Variants in CFH observed in about 807,000 individuals in gnomAD.
CFH encodes the protein H factor 1 (complement).
Under a neutral mutation model 147.3 loss-of-function variants are expected in CFH, and 53 were observed. The ratio of observed to expected loss-of-function variants is 0.36; its 90% CI spans 0.29 to 0.45. The LOEUF (loss-of-function observed/expected upper bound fraction) is 0.45. Among genes scored for constraint, CFH ranks in the 20% least tolerant of loss-of-function variants. The pLI, the probability that CFH is intolerant of heterozygous loss-of-function variation, is 1.00. For missense variants in CFH, 1,380 were observed against 1,498.0 expected (o/e 0.92, Z 1.30); for synonymous variants, 536 against 489.4 (o/e 1.10, Z -1.26).
chr1:196,729,815 G>T (rs12144939), intron 15 of CFH, among the ~76,000 whole-genome samples: 34,426 of 151,624 alleles, frequency 0.23, 4,506 homozygotes, highest in African/African-American at 0.33. Flanking sequence ...ATTAATCGTC[G>T]TAGGCTGTGT....
rs578161366 is a variant in CFH, at chr1:196,722,901, CA to C, written c.1697-2218del. 5.0e-3 allele frequency among the ~76,000 whole-genome samples: 757 copies of C among 152,088 alleles called. 3 individuals carry two copies. Among genetic ancestry groups the C allele is most frequent in the Non-Finnish European group, 8.5e-3 (580 of 67,954 alleles). Reference sequence around the variant, plus strand: ...CTTTCAACTATATTTTGTAATTCTTCAATGAATTTTTAATTTCCATAAGTTC... The same window carrying C: ...CTTTCAACTATATTTTGTAATTCTTCATGAATTTTTAATTTCCATAAGTTC... On this transcript the variant is annotated intron_variant, in intron 11 of 21. Coordinates refer to ENST00000367429, the MANE Select transcript of CFH (RefSeq NM_000186.4).
At chr1:196,699,547 C>T (rs1039700979) in intron 9 of CFH, among the ~76,000 whole-genome samples, 1 of 152,164 alleles carries the variant, frequency 6.6e-6, no homozygotes, top group Admixed American at 6.6e-5. Flanking sequence ...GATGTTATCA[C>T]ATTTTTCATT....
At chr1:196,730,975 A>G (rs1669268184) in intron 15 of CFH, among the ~76,000 whole-genome samples, 1 of 151,814 alleles carries the variant, frequency 6.6e-6, no homozygotes, top group Non-Finnish European at 1.5e-5. Flanking sequence ...GTTACAGTGA[A>G]GTAAGTCAAT....
chr1:196,715,550 T>C (rs748906940), intron 10 of CFH, 43 bp from the exon 11 acceptor site: 3 of 1,433,630 alleles, frequency 2.1e-6, no homozygotes, highest in Non-Finnish European at 3.0e-6. Flanking sequence ...GATTGTTTAT[T>C]AGATGACATT....
At chr1:196,698,813 G>A (rs1194737112) in intron 9 of CFH, among the ~76,000 whole-genome samples, 1 of 152,120 alleles carries the variant, frequency 6.6e-6, no homozygotes, top group Admixed American at 6.6e-5. Flanking sequence ...GAACATCAAT[G>A]CGAAAATCCT....
At chr1:196,684,591 G>T (rs1667761560) in intron 6 of CFH, among the ~76,000 whole-genome samples, 1 of 151,834 alleles carries the variant, frequency 6.6e-6, no homozygotes, top group African/African-American at 2.4e-5. Flanking sequence ...TCTCTAAAGT[G>T]GAAGATATTA....
At chr1:196,701,257 T>A (rs1668440085) in intron 9 of CFH, 1 of 1,611,922 alleles carries the variant, frequency 6.2e-7, no homozygotes, top group South Asian at 1.1e-5. Context: ...CTGAAGGAGT[T>A]GCTAGTGGAA....
At chr1:196,678,209 T>C (rs1667522768) in intron 5 of CFH, 1 of 158,702 alleles carries the variant, frequency 6.3e-6, no homozygotes, top group Non-Finnish European at 1.4e-5. Flanking sequence ...AAGTTTACTA[T>C]AAATGTTGCT....
intron 11 of CFH, among the ~76,000 whole-genome samples, chr1:196,717,664 G>A (rs1161720274): frequency 1.3e-5 from 2 of 152,072 alleles, no homozygotes; most frequent in East Asian, 3.9e-4. Context: ...ATTGCTTGAG[G>A]AAAGTTGTGC....
At chr1:196,705,886 A>G (rs1668572876) in intron 9 of CFH, among the ~76,000 whole-genome samples, 1 of 152,176 alleles carries the variant, frequency 6.6e-6, no homozygotes, top group Non-Finnish European at 1.5e-5. Flanking sequence ...TCCTAGTGTT[A>G]CTTTGAGAGC....
At chr1:196,725,030 A>G (rs1669103048) in intron 11 of CFH, 91 bp from the exon 12 acceptor site, 4 of 1,101,406 alleles carry the variant, frequency 3.6e-6, no homozygotes, top group Admixed American at 2.0e-5. Context: ...GTATGACCCA[A>G]TATCAACCTC....
In CFH at chr1:196,746,151, T is replaced by A. The variant is rs1009540202; in HGVS notation, c.3493+152T>A. 24 of 1,460,814 alleles carry A rather than the reference T, an allele frequency of 1.6e-5. No homozygotes were observed. The African/African-American group carries it at 2.5e-4, about 15-fold the overall frequency. The allele number at this position is 1,460,814 out of a possible 1,614,324, so 90.5% of individuals were successfully genotyped here. A position where few individuals can be genotyped will look rare whatever the true frequency, so the allele number is the denominator to read the frequency against. ...TCTGTCAGAAAGTAAAGTTTAGAAA[T>A]TTTTCTCTTTAGGGCTGGGTGCGGT... On this transcript the variant is annotated intron_variant, in intron 21 of 21. Coordinates refer to ENST00000367429, the MANE Select transcript of CFH (RefSeq NM_000186.4).
At chr1:196,733,236 T>C (rs1669321380) in intron 15 of CFH, among the ~76,000 whole-genome samples, 1 of 152,062 alleles carries the variant, frequency 6.6e-6, no homozygotes, top group Non-Finnish European at 1.5e-5. Context: ...GCAAGCTCGA[T>C]AGAGGCCAGT....
chr1:196,691,330 T>G lies in CFH; in HGVS notation c.1336+1091T>G, dbSNP rs190474292. Among the ~76,000 whole-genome samples the G allele has an allele frequency of 4.1e-3, 626 of 152,180 alleles. 2 individuals are homozygous for G. Among genetic ancestry groups the G allele is most frequent in the African/African-American group, 0.015 (608 of 41,560 alleles). ...AGTATATGTAAGTACAAATGGGTAT[T>G]CTGAGATCTTGTGCATATTCTACTC... On this transcript the variant is annotated intron_variant, in intron 9 of 21. Coordinates refer to ENST00000367429, the MANE Select transcript of CFH (RefSeq NM_000186.4).
At chr1:196,697,514 C>T (rs537805153) in intron 9 of CFH, among the ~76,000 whole-genome samples, 153 of 151,900 alleles carry the variant, frequency 1.0e-3, no homozygotes, top group Admixed American at 1.8e-3. Context: ...CAACAGGTGC[C>T]GGAGAGGATG....
chr1:196,655,750 A>G (rs1666664084), intron 1 of CFH, among the ~76,000 whole-genome samples: 1 of 152,300 alleles, frequency 6.6e-6, no homozygotes, highest in South Asian at 2.1e-4. Context: ...ACTAACGTGT[A>G]CTTTACCCAT....
intron 9 of CFH, among the ~76,000 whole-genome samples, chr1:196,692,680 T>G (rs1668079495): frequency 6.7e-6 from 1 of 149,258 alleles, no homozygotes; most frequent in Admixed American, 6.8e-5. Context: ...TTTTTTCTCT[T>G]TCTTTCTTTC....
chr1:196,667,495 TAATAC>T (rs1667140998), intron 1 of CFH, among the ~76,000 whole-genome samples: 1 of 152,222 alleles, frequency 6.6e-6, no homozygotes, highest in African/African-American at 2.4e-5. Flanking sequence ...TGCTTGATAT[TAATAC>T]ATTAATATCA....
At chr1:196,670,697 A>T (rs981340981) in intron 1 of CFH, among the ~76,000 whole-genome samples, 6 of 152,136 alleles carry the variant, frequency 3.9e-5, no homozygotes, top group Non-Finnish European at 8.8e-5. Context: ...ATTTCTTCAT[A>T]GCTGTGCAAA....
Sources: gnomAD v4.1 joint callset for allele counts (sites outside exome capture counted in the v4.1 genomes callset) on GRCh38, gnomAD v4.1.1 for gene constraint, MANE v1.5 for transcripts, NCBI Gene and HGNC (gene_info 2026-07-23, HGNC 2026-07-21) for gene names.